Variants in VAPB observed in about 807,000 individuals in gnomAD.
VAPB encodes the protein vesicle-associated membrane protein-associated protein B/C.
A neutral mutation model predicts 25.6 loss-of-function variants in VAPB; 7 were observed. The observed-to-expected ratio is 0.27, with a 90% CI of 0.16 to 0.51. The LOEUF is 0.51. VAPB is among the 20% of genes least tolerant of loss of function. The pLI is 0.97. For missense variants in VAPB, 266 were observed against 301.3 expected, an observed-to-expected ratio of 0.88 and a Z score of 0.87; for synonymous variants, 112 against 109.2, an observed-to-expected ratio of 1.03 and a Z score of -0.16.
rs1989340689 is a variant in VAPB, at chr20:58,448,109, A to G, written c.*3874A>G. 2 of 453,996 alleles carry G rather than the reference A, an allele frequency of 4.4e-6. No individual in the cohort carries two copies. Among genetic ancestry groups the G allele is most frequent in the Non-Finnish European group, 8.8e-6 (2 of 226,768 alleles). The allele number at this position is 453,996 out of a possible 1,614,324, so 28.1% of individuals were successfully genotyped here. A position where few individuals can be genotyped will look rare whatever the true frequency, so the allele number is the denominator to read the frequency against. On this transcript the variant is annotated 3_prime_UTR_variant, in exon 6 of 6. Transcript: ENST00000475243. ...CCTCTCTTAATTAACACTTGGGGCC[A>G]TGTTTGCTGTTGTTGAGAAGGAGTG...
chr20:58,421,997 A>G (rs1988679126), intron 2 of VAPB, among the ~76,000 whole-genome samples: 1 of 152,170 alleles, frequency 6.6e-6, no homozygotes, highest in Non-Finnish European at 1.5e-5. Flanking sequence ...TTGGGTCCTT[A>G]AAAAAACTCC....
intron 1 of VAPB, among the ~76,000 whole-genome samples, chr20:58,408,330 T>C (rs1056899979): frequency 6.6e-6 from 1 of 152,188 alleles, no homozygotes; most frequent in Non-Finnish European, 1.5e-5. Context: ...TATGTGTCTA[T>C]GGGTAGGGTT....
chr20:58,450,778 T>A lies in VAPB; in HGVS notation c.*6543T>A, dbSNP rs999422337. On this transcript the variant is annotated 3_prime_UTR_variant, in exon 6 of 6. Transcript: ENST00000475243. ...ATGTCTTAGAATGCTTTAGTTTTCA[T>A]AATTTGTCCTTTATGTATTTTTCAT... 4.4e-6 allele frequency: 2 copies of A among 453,982 alleles called. No individual in the cohort carries two copies. The highest frequency in any genetic ancestry group is 8.8e-6 in the Non-Finnish European group (2 of 226,784). The allele number at this position is 453,982 out of a possible 1,614,324, so 28.1% of individuals were successfully genotyped here.
intron 2 of VAPB, among the ~76,000 whole-genome samples, chr20:58,424,854 A>G (rs552693759): frequency 3.9e-5 from 6 of 152,344 alleles, no homozygotes; most frequent in African/African-American, 1.2e-4. Flanking sequence ...TGTAGAGAAC[A>G]CAAAGACACT....
intron 2 of VAPB, among the ~76,000 whole-genome samples, chr20:58,422,298 C>T (rs2123065340): frequency 6.6e-6 from 1 of 152,084 alleles, no homozygotes; most frequent in Middle Eastern, 3.4e-3. Flanking sequence ...TGGTTTTGGC[C>T]CGTTGCTCCA....
chr20:58,415,418 T>A (rs1988515864), intron 1 of VAPB, among the ~76,000 whole-genome samples: 1 of 152,210 alleles, frequency 6.6e-6, no homozygotes, highest in African/African-American at 2.4e-5. Context: ...AGAGTAACAG[T>A]TTCAAAGAGT....
intron 5 of VAPB, among the ~76,000 whole-genome samples, chr20:58,443,395 T>A (rs1989202380): frequency 7.8e-6 from 1 of 128,802 alleles, no homozygotes; most frequent in South Asian, 2.4e-4. Flanking sequence ...GTCCCACTTT[T>A]AGGTTTTTTT....
At chr20:58,407,058 A>G (rs938064515) in intron 1 of VAPB, among the ~76,000 whole-genome samples, 1 of 152,204 alleles carries the variant, frequency 6.6e-6, no homozygotes, top group Non-Finnish European at 1.5e-5. Flanking sequence ...ACTGATGTAA[A>G]ATTCATCTGT....
chr20:58,428,927 C>T (rs1000743814), intron 2 of VAPB, among the ~76,000 whole-genome samples: 1 of 152,120 alleles, frequency 6.6e-6, no homozygotes, highest in African/African-American at 2.4e-5. Flanking sequence ...CTGGGTGTCC[C>T]AAGTCCTCAC....
chr20:58,441,123 C>T lies in VAPB; in HGVS notation c.573+40C>T, dbSNP rs769258445. Reference sequence around the variant, plus strand: ...TCTGGTAATCTACAGAAAACAAGGGCGTTTTCACTAGCTTCTTGGGTGGGG... The same window carrying T: ...TCTGGTAATCTACAGAAAACAAGGGTGTTTTCACTAGCTTCTTGGGTGGGG... On this transcript the variant is annotated intron_variant, in intron 5 of 5. Coordinates refer to ENST00000475243, the MANE Select transcript of VAPB (RefSeq NM_004738.5). The T allele has an allele frequency of 1.4e-5, 22 of 1,602,738 alleles. No individual in the cohort carries two copies. In the Admixed American group the frequency reaches 1.5e-4, roughly 11 times the overall value.
intron 2 of VAPB, among the ~76,000 whole-genome samples, chr20:58,427,878 C>T (rs1024102061): frequency 2.7e-5 from 4 of 149,756 alleles, no homozygotes; most frequent in African/African-American, 9.9e-5. Context: ...CATTATGATG[C>T]AGGCGAAAGT....
At chr20:58,430,093 CA>C (rs1419178547) in intron 2 of VAPB, among the ~76,000 whole-genome samples, 1 of 120,530 alleles carries the variant, frequency 8.3e-6, no homozygotes, top group Non-Finnish European at 1.8e-5. Flanking sequence ...TGGGGTATAT[CA>C]ATATTTATTA....
chr20:58,419,719 T>A (rs1988628415), intron 2 of VAPB, among the ~76,000 whole-genome samples: 1 of 152,186 alleles, frequency 6.6e-6, no homozygotes, highest in South Asian at 2.1e-4. Flanking sequence ...CCTCTGGATA[T>A]GTATGGTTTA....
chr20:58,391,348 A>G lies in VAPB; in HGVS notation c.58+1831A>G, dbSNP rs1987792028. On this transcript the variant is annotated intron_variant, in intron 1 of 5. Coordinates refer to ENST00000475243, the MANE Select transcript of VAPB (RefSeq NM_004738.5). ...CCAGGACAGGACAATGATGTAGGGT[A>G]GTCCAGAGTGCTCCAGGAGCATTGA... 2.0e-5 allele frequency among the ~76,000 whole-genome samples: 3 copies of G among 152,182 alleles called. No individual in the cohort carries two copies. In the South Asian group the frequency reaches 6.2e-4, roughly 31 times the overall value.
Position 58,445,684 on chromosome 20 carries a change from C to CTG in VAPB, c.*1485_*1486dup, listed in dbSNP as rs138225455. 0.087 allele frequency: 36,974 copies of CTG among 425,790 alleles called. 816 individuals carry two copies. The highest frequency in any genetic ancestry group is 0.11 in the African/African-American group (5,463 of 47,622). 26.4% of individuals were successfully genotyped at this position (425,790 alleles called of 1,614,324 possible). On this transcript the variant is annotated 3_prime_UTR_variant, in exon 6 of 6. Coordinates refer to ENST00000475243, the MANE Select transcript of VAPB (RefSeq NM_004738.5). ...GAAATACGTGTTTCATGATTTAACT[C>CTG]TGTGTGTGTGTGTGTGTGTGTGTGT...
chr20:58,409,288 G>A (rs144084262), intron 1 of VAPB, among the ~76,000 whole-genome samples: 74 of 152,296 alleles, frequency 4.9e-4, no homozygotes, highest in African/African-American at 1.7e-3. Flanking sequence ...CTGCAGATGG[G>A]TATAGAACGC....
chr20:58,414,890 T>G (rs1277065753), intron 1 of VAPB, among the ~76,000 whole-genome samples: 8 of 151,666 alleles, frequency 5.3e-5, no homozygotes, highest in Admixed American at 4.6e-4. Flanking sequence ...GAGGTGGAGG[T>G]TGTAGCGAGC....
chr20:58,425,630 G>A (rs1277157050), intron 2 of VAPB, among the ~76,000 whole-genome samples: 1 of 152,172 alleles, frequency 6.6e-6, no homozygotes, highest in East Asian at 1.9e-4. Flanking sequence ...GTATGAAATG[G>A]TGTTTCAGCA....
chr20:58,446,324 C>G lies in VAPB; in HGVS notation c.*2089C>G, dbSNP rs1282184165. 4 of 453,982 alleles carry G rather than the reference C, an allele frequency of 8.8e-6. No homozygotes were observed. Among genetic ancestry groups the G allele is most frequent in the Non-Finnish European group, 1.3e-5 (3 of 226,796 alleles). The allele number at this position is 453,982 out of a possible 1,614,324, so 28.1% of individuals were successfully genotyped here. A position where few individuals can be genotyped will look rare whatever the true frequency, so the allele number is the denominator to read the frequency against. On this transcript the variant is annotated 3_prime_UTR_variant, in exon 6 of 6. Coordinates refer to ENST00000475243, the MANE Select transcript of VAPB (RefSeq NM_004738.5). ...ATTTACTAATTGTAGTTGCTGCAGCCAGTTAAGTCCTGTAGCTTCCAGGCC... is the reference window on the plus strand; with the variant it reads ...ATTTACTAATTGTAGTTGCTGCAGCGAGTTAAGTCCTGTAGCTTCCAGGCC...
Sources: gnomAD v4.1 joint callset for allele counts (sites outside exome capture counted in the v4.1 genomes callset) on GRCh38, gnomAD v4.1.1 for gene constraint, MANE v1.5 for transcripts, NCBI Gene and HGNC (gene_info 2026-07-23, HGNC 2026-07-21) for gene names.